Variants in SLC39A11 observed in about 807,000 individuals in gnomAD.
SLC39A11 encodes the protein solute carrier family 39 member 11.
A neutral mutation model predicts 36.1 loss-of-function variants in SLC39A11; 33 were observed. The ratio of observed to expected loss-of-function variants is 0.91; its 90% CI spans 0.69 to 1.22. The LOEUF (loss-of-function observed/expected upper bound fraction) is 1.22. SLC39A11 is among the 50% of genes most tolerant of loss of function. The pLI is 0.00. For missense variants in SLC39A11, 432 were observed against 430.3 expected (o/e 1.00, Z -0.03); for synonymous variants, 166 against 170.3 (o/e 0.97, Z 0.20).
At chr17:72,953,863 G>A (rs1051550377) in intron 4 of SLC39A11, among the ~76,000 whole-genome samples, 1 of 152,168 alleles carries the variant, frequency 6.6e-6, no homozygotes, top group Non-Finnish European at 1.5e-5. Context: ...AAAGCAACCT[G>A]TGATGATTGT....
intron 4 of SLC39A11, among the ~76,000 whole-genome samples, chr17:73,030,106 C>A (rs2058692122): frequency 6.6e-6 from 1 of 152,204 alleles, no homozygotes; most frequent in Admixed American, 6.5e-5. Flanking sequence ...CAGCTCGCAG[C>A]AGGGTTTGTG....
At chr17:72,856,089 G>A (rs1200772431) in intron 5 of SLC39A11, among the ~76,000 whole-genome samples, 1 of 151,970 alleles carries the variant, frequency 6.6e-6, no homozygotes, top group Non-Finnish European at 1.5e-5. Context: ...TAAACAATCA[G>A]AAATTGGACA....
chr17:72,990,762 A>G (rs1036214198), intron 4 of SLC39A11, among the ~76,000 whole-genome samples: 6 of 150,520 alleles, frequency 4.0e-5, no homozygotes, highest in African/African-American at 1.5e-4. Context: ...TCCCCGACCA[A>G]CACACACACA....
At chr17:73,028,712 G>C (rs910122115) in intron 4 of SLC39A11, among the ~76,000 whole-genome samples, 1 of 151,758 alleles carries the variant, frequency 6.6e-6, no homozygotes, top group Non-Finnish European at 1.5e-5. Flanking sequence ...ACATTCACCA[G>C]CTGCTCCCAA....
intron 5 of SLC39A11, among the ~76,000 whole-genome samples, chr17:72,893,470 T>C (rs141886429): frequency 2.6e-5 from 4 of 151,590 alleles, no homozygotes; most frequent in Non-Finnish European, 5.9e-5. Context: ...GGAAAAAAAA[T>C]ATATATATAT....
At chr17:72,651,760 T>G (rs774710494) in intron 7 of SLC39A11, among the ~76,000 whole-genome samples, 43 of 152,162 alleles carry the variant, frequency 2.8e-4, no homozygotes, top group Non-Finnish European at 4.6e-4. Context: ...TATGGTCTCT[T>G]GGGACTGACA....
chr17:72,745,146 A>G (rs528465460), intron 6 of SLC39A11, among the ~76,000 whole-genome samples: 1 of 152,272 alleles, frequency 6.6e-6, no homozygotes, highest in Admixed American at 6.5e-5. Flanking sequence ...CTGGCCTCAC[A>G]TTTTTGAGAA....
chr17:72,696,762 G>A (rs929920022), intron 7 of SLC39A11, among the ~76,000 whole-genome samples: 2 of 152,114 alleles, frequency 1.3e-5, no homozygotes, highest in Non-Finnish European at 2.9e-5. Flanking sequence ...GTTATAAAGT[G>A]TATTATAAAT....
chr17:72,729,822 T>C (rs79441165), intron 7 of SLC39A11, among the ~76,000 whole-genome samples: 16,386 of 151,988 alleles, frequency 0.11, 992 homozygotes, highest in African/African-American at 0.13. Context: ...AGCTTGCCTG[T>C]CTTCTACTGG....
At chr17:72,731,766 G>A (rs141284947) in intron 7 of SLC39A11, among the ~76,000 whole-genome samples, 1 of 151,954 alleles carries the variant, frequency 6.6e-6, no homozygotes, top group Non-Finnish European at 1.5e-5. Flanking sequence ...TTGCTCTGTT[G>A]CCCAGGCTGG....
At chr17:72,959,569 G>A (rs1283625595) in intron 4 of SLC39A11, among the ~76,000 whole-genome samples, 1 of 151,628 alleles carries the variant, frequency 6.6e-6, no homozygotes, top group African/African-American at 2.4e-5. Context: ...AACTTGGGGG[G>A]AAGGGTGGCA....
At chr17:72,681,485 G>T (rs2071507185) in intron 7 of SLC39A11, among the ~76,000 whole-genome samples, 1 of 152,204 alleles carries the variant, frequency 6.6e-6, no homozygotes, top group Non-Finnish European at 1.5e-5. Context: ...GCTGGTGGCA[G>T]GGGGAAGGAG....
chr17:72,891,788 T>C (rs2146732250), intron 5 of SLC39A11, among the ~76,000 whole-genome samples: 1 of 151,614 alleles, frequency 6.6e-6, no homozygotes, highest in African/African-American at 2.4e-5. Flanking sequence ...TACTATTTAT[T>C]ACTATTTTAT....
At chr17:72,940,297 TGGA>T (rs2085024723) in intron 5 of SLC39A11, among the ~76,000 whole-genome samples, 3 of 150,246 alleles carry the variant, frequency 2.0e-5, no homozygotes, top group African/African-American at 4.9e-5. Flanking sequence ...TTTTTTGAGA[TGGA>T]GTTTTGCTCT....
chr17:72,772,543 G>T (rs755675), intron 6 of SLC39A11, among the ~76,000 whole-genome samples: 1 of 151,934 alleles, frequency 6.6e-6, no homozygotes, highest in Non-Finnish European at 1.5e-5. Flanking sequence ...AGAAAATGCT[G>T]TCTGTCTCCC....
chr17:72,708,370 G>T (rs1440669662), intron 7 of SLC39A11, among the ~76,000 whole-genome samples: 1 of 152,190 alleles, frequency 6.6e-6, no homozygotes, highest in Non-Finnish European at 1.5e-5. Flanking sequence ...CCAGCAGACT[G>T]CCTTTGAACT....
chr17:72,889,492 G>GAGGTTGCAGTGAGC (rs2081612648), intron 5 of SLC39A11, among the ~76,000 whole-genome samples: 1 of 151,308 alleles, frequency 6.6e-6, no homozygotes. Flanking sequence ...AGCTGAGATC[G>GAGGTTGCAGTGAGC]TGCCACTGCA....
intron 5 of SLC39A11, among the ~76,000 whole-genome samples, chr17:72,884,097 T>C (rs1007207746): frequency 6.6e-5 from 10 of 152,104 alleles, no homozygotes; most frequent in African/African-American, 2.4e-4. Context: ...AAAGCTGCAG[T>C]GAGCTGTGAT....
chr17:72,968,636 TC>T (rs2087195332), intron 4 of SLC39A11, among the ~76,000 whole-genome samples: 1 of 151,992 alleles, frequency 6.6e-6, no homozygotes. Context: ...TTGGGCAGAA[TC>T]CTCCCCGACC....
Sources: gnomAD v4.1 joint callset for allele counts (sites outside exome capture counted in the v4.1 genomes callset) on GRCh38, gnomAD v4.1.1 for gene constraint, MANE v1.5 for transcripts, NCBI Gene and HGNC (gene_info 2026-07-23, HGNC 2026-07-21) for gene names.